The following SEL1L2 variants were observed in gnomAD, a reference collection of about 807,000 sequenced individuals.
The protein encoded by SEL1L2 is SEL1L2 adaptor subunit of SYVN1 ubiquitin ligase, also known as protein sel-1 homolog 2.
Under a neutral mutation model 98.8 loss-of-function variants are expected in SEL1L2, and 89 were observed. The observed-to-expected ratio is 0.90, with a 90% CI of 0.76 to 1.07. The LOEUF is 1.07. SEL1L2 is among the 50% of genes least tolerant of loss of function. SEL1L2 has a pLI of 0.00. For missense variants in SEL1L2, 788 were observed against 812.0 expected, an observed-to-expected ratio of 0.97 and a Z score of 0.36; for synonymous variants, 262 against 278.5, an observed-to-expected ratio of 0.94 and a Z score of 0.59.
intron 17 of SEL1L2, among the ~76,000 whole-genome samples, chr20:13,864,695 T>C (rs1268647060): frequency 3.9e-5 from 6 of 152,204 alleles, no homozygotes; most frequent in Non-Finnish European, 7.3e-5. Context: ...ATGATTGTAG[T>C]AAAGATCTGA....
intron 5 of SEL1L2, among the ~76,000 whole-genome samples, chr20:13,911,679 T>C (rs1323378729): frequency 6.6e-6 from 1 of 152,188 alleles, no homozygotes; most frequent in Non-Finnish European, 1.5e-5. Flanking sequence ...GATGTCGGTC[T>C]GTATATATTA....
chr20:13,975,364 G>C (rs1162326564), intron 1 of SEL1L2, among the ~76,000 whole-genome samples: 1 of 152,102 alleles, frequency 6.6e-6, no homozygotes, highest in Non-Finnish European at 1.5e-5. Flanking sequence ...TCATCTGGCT[G>C]TTTAATAGTA....
chr20:13,948,336 A>C (rs1416132000), intron 2 of SEL1L2, among the ~76,000 whole-genome samples: 3 of 152,168 alleles, frequency 2.0e-5, no homozygotes, highest in Non-Finnish European at 2.9e-5. Context: ...CTAAAGTTGG[A>C]GGTCTCAAAT....
chr20:13,939,058 T>C (rs1173240248), intron 2 of SEL1L2, among the ~76,000 whole-genome samples: 7 of 119,182 alleles, frequency 5.9e-5, no homozygotes, highest in Non-Finnish European at 7.3e-5. Context: ...TTTTTTTTTT[T>C]TCTGAGATGG....
chr20:13,939,467 C>CAT (rs1272698976), intron 2 of SEL1L2, among the ~76,000 whole-genome samples: 1 of 152,168 alleles, frequency 6.6e-6, no homozygotes, highest in Non-Finnish European at 1.5e-5. Flanking sequence ...GCAATTTTAG[C>CAT]ATATCCTAGG....
At chr20:13,983,320 G>A (rs2051959872) in intron 1 of SEL1L2, among the ~76,000 whole-genome samples, 1 of 151,906 alleles carries the variant, frequency 6.6e-6, no homozygotes, top group South Asian at 2.1e-4. Context: ...AAAATACAAT[G>A]AGTATCAAGT....
chr20:13,903,639 C>G (rs1306628626), intron 5 of SEL1L2, among the ~76,000 whole-genome samples: 1 of 152,008 alleles, frequency 6.6e-6, no homozygotes. Flanking sequence ...ATGGTGAAAC[C>G]CTGTCTCTAC....
At chr20:13,916,691 A>G (rs2048417849) in intron 4 of SEL1L2, among the ~76,000 whole-genome samples, 1 of 152,120 alleles carries the variant, frequency 6.6e-6, no homozygotes, top group African/African-American at 2.4e-5. Flanking sequence ...CTGTCATCTC[A>G]GCTACTTGGG....
At chr20:13,981,797 C>A (rs575538762) in intron 1 of SEL1L2, among the ~76,000 whole-genome samples, 1 of 152,342 alleles carries the variant, frequency 6.6e-6, no homozygotes, top group African/African-American at 2.4e-5. Flanking sequence ...GCTCCAGATA[C>A]TTGCAGTTTG....
rs1210431787 is a variant in SEL1L2 at position 13,901,046 on chromosome 20, CTTTTCT to C, written c.550-12540_550-12535del. 7.9e-4 allele frequency among the ~76,000 whole-genome samples: 118 copies of C among 149,550 alleles called. No homozygotes were observed. The East Asian group carries it at 0.016, about 21-fold the overall frequency. ...ATTTTGCTAGAGTTAATTTTTTTTC[CTTTTCT>C]TTTTCTTTTTCTTTCTTTCTTTCTT... On this transcript the variant is annotated intron_variant, in intron 5 of 19. Coordinates refer to ENST00000284951, the MANE Select transcript of SEL1L2 (RefSeq NM_025229.2).
chr20:13,881,476 T>A (rs1473245609), intron 10 of SEL1L2, among the ~76,000 whole-genome samples: 1 of 152,232 alleles, frequency 6.6e-6, no homozygotes, highest in African/African-American at 2.4e-5. Context: ...TTATCCATTT[T>A]AATAATATTC....
At chr20:13,868,319 A>G (rs2046020082) in intron 14 of SEL1L2, among the ~76,000 whole-genome samples, 1 of 152,074 alleles carries the variant, frequency 6.6e-6, no homozygotes, top group South Asian at 2.1e-4. Context: ...GTGCCTAATC[A>G]GGTGCTAATA....
At chr20:13,915,106 G>C (rs901430363) in intron 4 of SEL1L2, 1 of 1,287,636 alleles carries the variant, frequency 7.8e-7, no homozygotes, top group Admixed American at 2.3e-5. Context: ...GATTTAGGAG[G>C]ATCAGGAGAC....
intron 5 of SEL1L2, among the ~76,000 whole-genome samples, chr20:13,912,292 A>ATTTTTTT (rs11478603): frequency 4.5e-5 from 5 of 111,344 alleles, no homozygotes; most frequent in Non-Finnish European, 7.3e-5. Flanking sequence ...TTTCTGTGGG[A>ATTTTTTT]TTTTTTTTTT....
chr20:13,867,790 A>T, intron 14 of SEL1L2, among the ~76,000 whole-genome samples: 1 of 152,170 alleles, frequency 6.6e-6, no homozygotes, highest in East Asian at 1.9e-4. Context: ...AACTTGGGAA[A>T]TCTGGTAGAT....
At chr20:13,926,934 T>C (rs777264718) in intron 3 of SEL1L2, among the ~76,000 whole-genome samples, 1 of 152,200 alleles carries the variant, frequency 6.6e-6, no homozygotes, top group South Asian at 2.1e-4. Context: ...AGGAAGGACA[T>C]GGCCTGTAGT....
At chr20:13,961,599 G>A (rs2050774251) in intron 1 of SEL1L2, among the ~76,000 whole-genome samples, 1 of 152,214 alleles carries the variant, frequency 6.6e-6, no homozygotes, top group South Asian at 2.1e-4. Context: ...AAAATGAGAA[G>A]AGGCCTCTGG....
intron 18 of SEL1L2, among the ~76,000 whole-genome samples, chr20:13,852,054 C>G (rs1988352616): frequency 6.6e-6 from 1 of 152,178 alleles, no homozygotes; most frequent in African/African-American, 2.4e-5. Context: ...ATTTGTGTCT[C>G]TGATTCCAAC....
chr20:13,922,756 A>G (rs1195487800), intron 3 of SEL1L2, among the ~76,000 whole-genome samples: 1 of 152,210 alleles, frequency 6.6e-6, no homozygotes. Flanking sequence ...TGATGTAAAT[A>G]TAACTTGAGA....
Sources: allele counts gnomAD v4.1 joint callset (sites outside exome capture counted in the v4.1 genomes callset), GRCh38; gene constraint gnomAD v4.1.1; transcripts MANE v1.5; gene names NCBI Gene and HGNC (gene_info 2026-07-23, HGNC 2026-07-21).